The following CSMD1 variants were observed in gnomAD, a reference collection of about 807,000 sequenced individuals.
The protein encoded by CSMD1 is CUB and sushi domain-containing protein 1.
Under a neutral mutation model 417.5 loss-of-function variants are expected in CSMD1, and 213 were observed. The observed-to-expected ratio is 0.51, with a 90% CI of 0.46 to 0.57. The LOEUF is 0.57. Ranked by LOEUF, CSMD1 falls within the 20% of genes least tolerant of loss-of-function variation. CSMD1 has a pLI of 0.00. For missense variants in CSMD1, 6,923 were observed against 4,529.7 expected, an observed-to-expected ratio of 1.53 and a Z score of -15.17; for synonymous variants, 2,862 against 1,736.8, an observed-to-expected ratio of 1.65 and a Z score of -16.11.
At chr8:3,179,029 G>A (rs536466900) in intron 37 of CSMD1, among the ~76,000 whole-genome samples, 153 of 150,078 alleles carry the variant, frequency 1.0e-3, no homozygotes, top group Admixed American at 4.3e-3. Context: ...CTCACTGCAA[G>A]CTCTGCCTCC....
intron 5 of CSMD1, among the ~76,000 whole-genome samples, chr8:3,887,156 G>T (rs1031687339): frequency 1.3e-5 from 2 of 152,116 alleles, no homozygotes; most frequent in South Asian, 4.2e-4. Flanking sequence ...GATGGCATGC[G>T]TAGAGGGTAT....
At position 4,265,422 on chromosome 8, in the gene CSMD1, G is replaced by T. The variant is rs371268814; in HGVS notation, c.415+154531C>A. On this transcript the variant is annotated intron_variant, in intron 3 of 69. Transcript: ENST00000635120. ...TGCACCATATTCAGAGTTCTTCAAA[G>T]CCAGTTGAAAAAGTGTCCTCTAACT... Among the ~76,000 whole-genome samples, 3 of 45,826 alleles carry T rather than the reference G, an allele frequency of 6.5e-5. 1 individual carries two copies. The East Asian group carries it at 1.8e-3, about 27-fold the overall frequency. 30.1% of individuals were successfully genotyped at this position (45,826 alleles called of 152,430 possible).
chr8:4,453,945 C>T (rs1237220033), intron 2 of CSMD1, among the ~76,000 whole-genome samples: 1 of 150,926 alleles, frequency 6.6e-6, no homozygotes, highest in Non-Finnish European at 1.5e-5. Context: ...CCTCAGCCTC[C>T]CGAGTAGCTG....
intron 3 of CSMD1, among the ~76,000 whole-genome samples, chr8:4,265,220 G>C (rs527654126): frequency 3.3e-5 from 5 of 151,692 alleles, no homozygotes; most frequent in Non-Finnish European, 7.4e-5. Context: ...AAATTATTTA[G>C]TTACAAATTG....
intron 26 of CSMD1, among the ~76,000 whole-genome samples, chr8:3,256,353 G>GA (rs1164245485): frequency 2.0e-5 from 3 of 150,874 alleles, no homozygotes; most frequent in Non-Finnish European, 4.4e-5. Flanking sequence ...AGAAAGGAAG[G>GA]AAACAAACCA....
At chr8:4,802,163 A>G (rs1798324894) in intron 1 of CSMD1, among the ~76,000 whole-genome samples, 1 of 152,150 alleles carries the variant, frequency 6.6e-6, no homozygotes, top group Admixed American at 6.5e-5. Context: ...GCACAAAGGA[A>G]CTCATTTAGA....
At chr8:4,944,874 G>A (rs180711045) in intron 1 of CSMD1, among the ~76,000 whole-genome samples, 317 of 152,072 alleles carry the variant, frequency 2.1e-3, no homozygotes, top group Non-Finnish European at 3.8e-3. Flanking sequence ...AAATAAAACT[G>A]CCATATAATA....
intron 3 of CSMD1, among the ~76,000 whole-genome samples, chr8:4,328,147 T>C (rs1024414781): frequency 2.5e-4 from 38 of 152,090 alleles, no homozygotes; most frequent in African/African-American, 8.7e-4. Context: ...TACTCAAAGA[T>C]GTTAAATGCC....
At chr8:3,702,500 A>G (rs1253672524) in intron 7 of CSMD1, among the ~76,000 whole-genome samples, 1 of 152,220 alleles carries the variant, frequency 6.6e-6, no homozygotes, top group African/African-American at 2.4e-5. Flanking sequence ...GCTCAGAAGA[A>G]GAAGAAGAAA....
chr8:3,033,962 C>T (rs886204646), intron 50 of CSMD1, among the ~76,000 whole-genome samples: 3 of 152,096 alleles, frequency 2.0e-5, no homozygotes, highest in Admixed American at 6.5e-5. Context: ...TTCAGCCCAT[C>T]GCGGGCCCCA....
At chr8:4,217,649 A>G (rs1002808952) in intron 3 of CSMD1, among the ~76,000 whole-genome samples, 1 of 122,254 alleles carries the variant, frequency 8.2e-6, no homozygotes, top group Non-Finnish European at 1.9e-5. Context: ...GACTCAGTTG[A>G]CCTCATCAGA....
In CSMD1 at chr8:2,966,665, A is replaced by G; in HGVS notation, c.9005T>C (p.Ile3002Thr). The G allele has an allele frequency of 6.2e-7, 1 of 1,613,800 alleles. No individual in the cohort carries two copies. The highest frequency in any genetic ancestry group is 1.1e-5 in the South Asian group (1 of 91,042). ...SDGILFSSSV[I>T]YACWEGYKTS... ...CTTGTAGCCTTCCCAGCAGGCATAG[A>G]TGACCGAGCTGGAGAACAGAATGCC... The change falls in exon 58 of 70, where the codon ATC (isoleucine) becomes ACC (threonine). Residue 3002 changes from isoleucine (I) to threonine (T), a missense_variant. By Grantham distance (89) the Ile-to-Thr change is moderately conservative (BLOSUM62 -1). Coordinates refer to ENST00000635120, the MANE Select transcript of CSMD1 (RefSeq NM_033225.6).
intron 17 of CSMD1, among the ~76,000 whole-genome samples, chr8:3,391,892 A>G (rs971838596): frequency 2.6e-5 from 4 of 152,168 alleles, no homozygotes; most frequent in Non-Finnish European, 5.9e-5. Flanking sequence ...GTATGATGAA[A>G]CAGAAGAGAT....
intron 12 of CSMD1, among the ~76,000 whole-genome samples, chr8:3,429,152 T>C (rs1389257994): frequency 6.6e-6 from 1 of 152,186 alleles, no homozygotes; most frequent in Non-Finnish European, 1.5e-5. Flanking sequence ...CAATATTGCA[T>C]GGTATATTTC....
chr8:3,609,119 ACT>A (rs1428534363), intron 8 of CSMD1, among the ~76,000 whole-genome samples: 1 of 152,174 alleles, frequency 6.6e-6, no homozygotes, highest in Non-Finnish European at 1.5e-5. Flanking sequence ...TCCAGCTCTG[ACT>A]CTGACAAGAT....
chr8:3,785,936 TG>T (rs1563077655), intron 5 of CSMD1, among the ~76,000 whole-genome samples: 1 of 152,188 alleles, frequency 6.6e-6, no homozygotes, highest in East Asian at 1.9e-4. Context: ...GCCGAGGAAA[TG>T]GAAGGCAGAC....
At chr8:3,706,384 G>A (rs950588118) in intron 7 of CSMD1, among the ~76,000 whole-genome samples, 1 of 152,178 alleles carries the variant, frequency 6.6e-6, no homozygotes, top group African/African-American at 2.4e-5. Flanking sequence ...CATTTTCTCT[G>A]TCATACCTTT....
At chr8:4,069,348 G>A (rs1018221587) in intron 3 of CSMD1, among the ~76,000 whole-genome samples, 1 of 152,160 alleles carries the variant, frequency 6.6e-6, no homozygotes, top group African/African-American at 2.4e-5. Flanking sequence ...TTATCTACAG[G>A]TAGTTGAACC....
rs190243171 is a variant in CSMD1 at position 2,963,784 on chromosome 8, T to C, written c.9281-389A>G. 5.9e-3 allele frequency among the ~76,000 whole-genome samples: 892 copies of C among 152,292 alleles called. 7 individuals are homozygous for C. Among genetic ancestry groups the C allele is most frequent in the Middle Eastern group, 0.034 (10 of 294 alleles). On this transcript the variant is annotated intron_variant, in intron 59 of 69. Coordinates refer to ENST00000635120, the MANE Select transcript of CSMD1 (RefSeq NM_033225.6). ...AATTTATAGGCACAGATGGTAAGAA[T>C]TTTTCTGGCCATCTGTATTTTTTAT...
Sources: gnomAD v4.1 joint callset for allele counts (sites outside exome capture counted in the v4.1 genomes callset) on GRCh38, gnomAD v4.1.1 for gene constraint, MANE v1.5 for transcripts, NCBI Gene and HGNC (gene_info 2026-07-23, HGNC 2026-07-21) for gene names.